C12orf42: variants seen among roughly 807,000 people sequenced by gnomAD.
C12orf42 encodes chromosome 12 open reading frame 42, also known as uncharacterized protein C12orf42.
C12orf42 carries 25 observed loss-of-function variants against 21.6 expected under a neutral mutation model. That is an observed-to-expected ratio of 1.16 (90% CI 0.84 to 1.62). The LOEUF is 1.62. C12orf42 is among the 40% of genes most tolerant of loss of function. The pLI, the probability that C12orf42 is intolerant of heterozygous loss-of-function variation, is 0.00. For synonymous variants in C12orf42, 174 were observed against 175.0 expected (o/e 0.99, Z 0.05); for missense variants, 483 against 459.3 (o/e 1.05, Z -0.47).
At chr12:103,356,524 CT>C (rs1205361248) in intron 4 of C12orf42, among the ~76,000 whole-genome samples, 1 of 151,866 alleles carries the variant, frequency 6.6e-6, no homozygotes, top group Non-Finnish European at 1.5e-5. Flanking sequence ...ATTTATAGTC[CT>C]TTGGGTATAT....
intron 5 of C12orf42, among the ~76,000 whole-genome samples, chr12:103,271,885 A>G (rs1007926075): frequency 6.6e-6 from 1 of 152,202 alleles, no homozygotes; most frequent in African/African-American, 2.4e-5. Flanking sequence ...GCTGCACTCT[A>G]CTATGAAGGA....
chr12:103,487,470 T>C (rs1954912563), intron 1 of C12orf42, among the ~76,000 whole-genome samples: 1 of 152,224 alleles, frequency 6.6e-6, no homozygotes, highest in Non-Finnish European at 1.5e-5. Flanking sequence ...GTCTATTAGG[T>C]CTACTTGGTG....
At chr12:103,264,024 A>G (rs2035041247), downstream of C12orf42, among the ~76,000 whole-genome samples, 1 of 152,080 alleles carries the variant, frequency 6.6e-6, no homozygotes. Context: ...GTTTTTTACC[A>G]TGACTTACAA....
chr12:103,112,434 C>T, the C12orf42 span, among the ~76,000 whole-genome samples: 4 of 151,982 alleles, frequency 2.6e-5, no homozygotes, highest in East Asian at 1.9e-4. Context: ...CCGAGGCAGG[C>T]GGATCACCTG....
chr12:103,225,475 G>T, the C12orf42 span, among the ~76,000 whole-genome samples: 1 of 152,092 alleles, frequency 6.6e-6, no homozygotes, highest in African/African-American at 2.4e-5. Flanking sequence ...GGTAAGGGAT[G>T]CATGATCGGT....
the C12orf42 span, among the ~76,000 whole-genome samples, chr12:103,508,541 T>A: frequency 1.3e-5 from 2 of 152,222 alleles, no homozygotes; most frequent in African/African-American, 4.8e-5. Context: ...GACGGTGTTG[T>A]AATTGTTCAT....
chr12:103,185,919 C>T, the C12orf42 span, among the ~76,000 whole-genome samples: 3 of 152,120 alleles, frequency 2.0e-5, no homozygotes, highest in Admixed American at 1.3e-4. Flanking sequence ...TGAAAATGTA[C>T]TAATACAACA....
chr12:103,428,258 C>T (rs1949999112), intron 2 of C12orf42, among the ~76,000 whole-genome samples: 1 of 151,954 alleles, frequency 6.6e-6, no homozygotes, highest in Admixed American at 6.6e-5. Flanking sequence ...AAGAACCAAA[C>T]AGACACAGTA....
At chr12:103,071,396 T>C in the C12orf42 span, among the ~76,000 whole-genome samples, 1 of 152,104 alleles carries the variant, frequency 6.6e-6, no homozygotes, top group Non-Finnish European at 1.5e-5. Context: ...CCTTCCAAAG[T>C]GGTAAAATTG....
intron 2 of C12orf42, among the ~76,000 whole-genome samples, chr12:103,469,141 G>A (rs369417262): frequency 3.7e-4 from 56 of 152,264 alleles, no homozygotes; most frequent in African/African-American, 1.3e-3. Context: ...AGTATGGGAC[G>A]TCCAATTGGT....
the C12orf42 span, among the ~76,000 whole-genome samples, chr12:103,089,101 CAAAAAAAAAA>C: frequency 3.6e-5 from 2 of 54,848 alleles, no homozygotes; most frequent in Non-Finnish European, 3.1e-5. Flanking sequence ...GACTCCATCT[CAAAAAAAAAA>C]AAAAAAAAAA....
the C12orf42 span, among the ~76,000 whole-genome samples, chr12:103,530,749 C>T: frequency 5.3e-5 from 8 of 152,080 alleles, no homozygotes; most frequent in African/African-American, 1.4e-4. Context: ...TGAATAAATT[C>T]GTTCACCTAG....
the C12orf42 span, chr12:103,547,997 A>C: frequency 6.6e-6 from 1 of 152,248 alleles, no homozygotes; most frequent in African/African-American, 2.4e-5. Flanking sequence ...AATCCACTGC[A>C]TTGCAAGAAA....
chr12:103,443,484 A>G (rs1019771893), intron 2 of C12orf42, among the ~76,000 whole-genome samples: 4 of 152,088 alleles, frequency 2.6e-5, no homozygotes, highest in African/African-American at 9.6e-5. Context: ...CTCACTCCAA[A>G]CTCCCCATTG....
intron 2 of C12orf42, among the ~76,000 whole-genome samples, chr12:103,435,233 C>A (rs1334207637): frequency 1.3e-5 from 2 of 152,236 alleles, no homozygotes; most frequent in East Asian, 1.9e-4. Context: ...AGGACATCCA[C>A]ACCAAAAACC....
At chr12:103,311,197 C>T (rs555026834) in intron 4 of C12orf42, among the ~76,000 whole-genome samples, 27 of 150,856 alleles carry the variant, frequency 1.8e-4, no homozygotes, top group African/African-American at 6.3e-4. Context: ...TATGCATGTG[C>T]GTGTGTGTGT....
Position 103,430,599 on chromosome 12 carries a change from A to C in C12orf42, c.79-28924T>G, listed in dbSNP as rs141289308. Among the ~76,000 whole-genome samples, 845 of 152,314 alleles carry C rather than the reference A, an allele frequency of 5.5e-3. 9 individuals carry two copies. The highest frequency in any genetic ancestry group is 0.02 in the African/African-American group (816 of 41,568). On this transcript the variant is annotated intron_variant, in intron 2 of 5. Transcript: ENST00000548883. ...AACCAGAAACATCATTTGACTCAGC[A>C]AACCCATTACTGGGTATATACCCAA...
the C12orf42 span, among the ~76,000 whole-genome samples, chr12:103,072,637 C>CTGGGT: frequency 3.9e-5 from 6 of 151,982 alleles, no homozygotes; most frequent in Admixed American, 6.6e-5. Flanking sequence ...AATGGTATTG[C>CTGGGT]TGGGTTGAAT....
At chr12:103,419,100 G>A (rs1345729531) in intron 2 of C12orf42, among the ~76,000 whole-genome samples, 1 of 152,128 alleles carries the variant, frequency 6.6e-6, no homozygotes, top group Non-Finnish European at 1.5e-5. Flanking sequence ...GGCAGGAAGA[G>A]CTGCACGTAC....
Sources: gnomAD v4.1 joint callset for allele counts (sites outside exome capture counted in the v4.1 genomes callset) on GRCh38, gnomAD v4.1.1 for gene constraint, MANE v1.5 for transcripts, NCBI Gene and HGNC (gene_info 2026-07-23, HGNC 2026-07-21) for gene names.